PEAK1: variants seen among roughly 807,000 people sequenced by gnomAD.
PEAK1 encodes the protein inactive tyrosine-protein kinase PEAK1.
Under a neutral mutation model 124.7 loss-of-function variants are expected in PEAK1, and 54 were observed. The ratio of observed to expected loss-of-function variants is 0.43; its 90% CI spans 0.35 to 0.54. PEAK1 has a LOEUF of 0.54. Ranked by LOEUF, PEAK1 falls within the 20% of genes least tolerant of loss-of-function variation. The probability of loss-of-function intolerance (pLI) is 0.01; values close to 1 mark genes in which losing one functional copy is unlikely to be tolerated. For synonymous variants in PEAK1, 719 were observed against 760.0 expected (o/e 0.95, Z 0.89); for missense variants, 2,046 against 2,134.5 (o/e 0.96, Z 0.82).
At chr15:77,236,472 G>C (rs1415178966) in intron 6 of PEAK1, among the ~76,000 whole-genome samples, 1 of 152,170 alleles carries the variant, frequency 6.6e-6, no homozygotes, top group African/African-American at 2.4e-5. Flanking sequence ...ACTTGGAATG[G>C]GTGTATTTAC....
In PEAK1 at chr15:77,196,128, A is replaced by G. The variant is rs554756839; in HGVS notation, c.-114-14088T>C. ...ATCAAGGTCATTTGTTAAATGGACA[A>G]TGGGTGAAGGACAGATCAAATGAGG... On this transcript the variant is annotated intron_variant, in intron 6 of 9. Coordinates refer to ENST00000682557, the MANE Select transcript of PEAK1 (RefSeq NM_001385026.1). 2.0e-5 allele frequency among the ~76,000 whole-genome samples: 3 copies of G among 152,356 alleles called. No homozygotes were observed. The East Asian group carries it at 5.8e-4, about 29-fold the overall frequency.
intron 2 of PEAK1, among the ~76,000 whole-genome samples, chr15:77,318,928 C>A (rs1013058068): frequency 6.6e-6 from 1 of 152,050 alleles, no homozygotes; most frequent in African/African-American, 2.4e-5. Context: ...CACGAACCAC[C>A]TAACAATGTG....
chr15:77,265,946 G>T (rs2152947562), intron 5 of PEAK1, among the ~76,000 whole-genome samples: 1 of 152,320 alleles, frequency 6.6e-6, no homozygotes, highest in East Asian at 1.9e-4. Context: ...AGGAGTTCAT[G>T]TCCTTTGTAG....
At chr15:77,192,721 A>G (rs2057898542) in intron 6 of PEAK1, among the ~76,000 whole-genome samples, 1 of 152,208 alleles carries the variant, frequency 6.6e-6, no homozygotes, top group East Asian at 1.9e-4. Flanking sequence ...CCACTCACCA[A>G]TTAGGAGAAC....
chr15:77,402,290 A>G (rs1479231548), intron 1 of PEAK1: 3 of 985,114 alleles, frequency 3.0e-6, no homozygotes, highest in Middle Eastern at 5.2e-4. Context: ...GAATTGCTTT[A>G]AAATGCATAT....
chr15:77,300,760 T>C (rs2063744229), intron 2 of PEAK1, among the ~76,000 whole-genome samples: 1 of 152,206 alleles, frequency 6.6e-6, no homozygotes, highest in South Asian at 2.1e-4. Flanking sequence ...TTCTCAGACC[T>C]TCCTTGTTTT....
rs62007297 is a variant in PEAK1 at position 77,417,106 on chromosome 15, G to A, written c.-666+2900C>T. 2.6e-5 allele frequency among the ~76,000 whole-genome samples: 4 copies of A among 151,584 alleles called. No individual in the cohort carries two copies. The South Asian group carries it at 6.2e-4, about 24-fold the overall frequency. On this transcript the variant is annotated intron_variant, in intron 1 of 9. Coordinates refer to ENST00000682557, the MANE Select transcript of PEAK1 (RefSeq NM_001385026.1). The stretch of plus-strand genomic sequence containing the variant: ...TCTAGACACCCTCCACCCATCCCCC[G>A]AAGTCTGAGTCAGCTACCCCTCCTC...
chr15:77,201,101 C>A (rs1190267869), intron 6 of PEAK1, among the ~76,000 whole-genome samples: 2 of 151,944 alleles, frequency 1.3e-5, no homozygotes, highest in Non-Finnish European at 2.9e-5. Context: ...TGAGTTCAAG[C>A]AACTCAAGAC....
At chr15:77,342,405 CTTT>C (rs35640042) in intron 2 of PEAK1, among the ~76,000 whole-genome samples, 22 of 114,322 alleles carry the variant, frequency 1.9e-4, no homozygotes, top group Admixed American at 3.6e-4. Flanking sequence ...TACAGCATGT[CTTT>C]TTTTTTTTTT....
At chr15:77,168,208 T>C (rs920812074) in intron 7 of PEAK1, among the ~76,000 whole-genome samples, 1 of 150,094 alleles carries the variant, frequency 6.7e-6, no homozygotes, top group African/African-American at 2.5e-5. Flanking sequence ...TTCCATGCCA[T>C]ATGTACATGC....
At chr15:77,189,951 G>A (rs2057750398) in intron 6 of PEAK1, among the ~76,000 whole-genome samples, 1 of 152,054 alleles carries the variant, frequency 6.6e-6, no homozygotes, top group Non-Finnish European at 1.5e-5. Flanking sequence ...AATAAGAGAA[G>A]GTGGGAAAAA....
chr15:77,254,698 AC>A (rs1249340552), intron 5 of PEAK1, among the ~76,000 whole-genome samples: 3 of 152,114 alleles, frequency 2.0e-5, no homozygotes, highest in Non-Finnish European at 1.5e-5. Context: ...CTTTCAAAGT[AC>A]TAGAATTACA....
chr15:77,398,809 GAA>G (rs1189052116), intron 1 of PEAK1, among the ~76,000 whole-genome samples: 2 of 152,078 alleles, frequency 1.3e-5, no homozygotes, highest in Non-Finnish European at 2.9e-5. Flanking sequence ...AAATTGGAAA[GAA>G]AGAAGTCAAA....
At position 77,179,873 on chromosome 15, in the gene PEAK1, C is replaced by T. The variant is rs370570298; in HGVS notation, c.2054G>A (p.Cys685Tyr). ...GTTTGAAAACCCTTTAGTTTGAAGA[C>T]AGTCAGTGGTTTTGCTAGTGGTGTT... is the stretch of plus-strand genomic sequence containing the variant. ...PDNTTSKTTD[C>Y]LQTKGFSNST... The change falls in exon 7 of 10, where the codon TGT (cysteine) becomes TAT (tyrosine). Residue 685 changes from cysteine (C) to tyrosine (Y), a missense_variant. Cys to Tyr is a radical substitution (Grantham distance 194, BLOSUM62 -2). Transcript: ENST00000682557. The T allele has an allele frequency of 1.2e-5, 19 of 1,614,014 alleles. No homozygotes were observed. In the Admixed American group the frequency reaches 1.7e-4, roughly 14 times the overall value.
At chr15:77,333,950 A>G (rs1317222714) in intron 2 of PEAK1, 1 of 393,464 alleles carries the variant, frequency 2.5e-6, no homozygotes, top group Non-Finnish European at 3.5e-6. Context: ...TGAATCAAAA[A>G]TGTTAATTAG....
Position 77,112,781 on chromosome 15 carries a change from C to T in PEAK1, c.*1375G>A, listed in dbSNP as rs932697952. The stretch of plus-strand genomic sequence containing the variant: ...AGAAGGGGGAGGGTTTCTGTAGACT[C>T]GCTTCAGGTGAAGTTGCAACATAAA... On this transcript the variant is annotated 3_prime_UTR_variant, in exon 10 of 10. Transcript: ENST00000682557. 1.3e-5 allele frequency: 2 copies of T among 152,154 alleles called. No individual in the cohort carries two copies. Among genetic ancestry groups the T allele is most frequent in the Non-Finnish European group, 2.9e-5 (2 of 68,074 alleles). 9.4% of individuals were successfully genotyped at this position (152,154 alleles called of 1,614,324 possible).
At chr15:77,407,920 TATACATATATAC>T in intron 1 of PEAK1, among the ~76,000 whole-genome samples, 1 of 150,080 alleles carries the variant, frequency 6.7e-6, no homozygotes, top group Non-Finnish European at 1.5e-5. Context: ...TATACACATA[TATACATATATAC>T]ACACATATAT....
At chr15:77,346,121 A>C in intron 2 of PEAK1, 1 of 985,426 alleles carries the variant, frequency 1.0e-6, no homozygotes, top group Non-Finnish European at 1.2e-6. Context: ...CAAGAGTCAA[A>C]GCTATATTTT....
At chr15:77,299,601 G>C (rs531331021) in intron 2 of PEAK1, among the ~76,000 whole-genome samples, 107 of 152,268 alleles carry the variant, frequency 7.0e-4, no homozygotes, top group Non-Finnish European at 1.1e-3. Flanking sequence ...TAGTTCTAAA[G>C]TTTTTCCTTG....
Sources: allele counts gnomAD v4.1 joint callset (sites outside exome capture counted in the v4.1 genomes callset), GRCh38; gene constraint gnomAD v4.1.1; transcripts MANE v1.5; gene names NCBI Gene and HGNC (gene_info 2026-07-23, HGNC 2026-07-21).